The following JUP variants were observed in gnomAD, a reference collection of about 807,000 sequenced individuals.
JUP encodes catenin (cadherin-associated protein), gamma 80kDa.
A neutral mutation model predicts 71.1 loss-of-function variants in JUP; 28 were observed. The observed-to-expected ratio is 0.39, with a 90% CI of 0.29 to 0.54. The LOEUF is 0.54. Among genes scored for constraint, JUP ranks in the 20% least tolerant of loss-of-function variants. The pLI is 0.62. For synonymous variants in JUP, 401 were observed against 438.9 expected (o/e 0.91, Z 1.08); for missense variants, 869 against 1,030.1 (o/e 0.84, Z 2.14).
chr17:41,757,783 A>T lies in JUP; in HGVS notation c.1775T>A (p.Leu592His). ...GATGTTCTCCACCGACGAGTACAGG[A>T]GCTGGGGAGAGGGGACGTGGGAAGC... The part of the protein sequence containing the change: ...RLNTIPLFVQ[L>H]LYSSVENIQR... The change falls in exon 11 of 14, where the codon CTC becomes CAC. Residue 592 changes from leucine (L) to histidine (H), a missense_variant and splice_region_variant. By Grantham distance (99) the Leu-to-His change is moderately conservative. Coordinates refer to ENST00000393931, the MANE Select transcript of JUP (RefSeq NM_002230.4). 6.2e-7 allele frequency: 1 copy of T among 1,606,372 alleles called. No homozygotes were observed. The highest frequency in any genetic ancestry group is 8.5e-7 in the Non-Finnish European group (1 of 1,175,928).
chr17:41,764,980 G>A lies in JUP; in HGVS notation c.997C>T (p.Arg333Cys), dbSNP rs782031185. 7 of 1,614,124 alleles carry A rather than the reference G, an allele frequency of 4.3e-6. No homozygotes were observed. Among genetic ancestry groups the A allele is most frequent in the Non-Finnish European group, 5.9e-6 (7 of 1,180,022 alleles). The change falls in exon 6 of 14, where the codon CGT (arginine) becomes TGT (cysteine). Residue 333 changes from arginine to cysteine, a missense_variant. Physicochemically the swap from Arg to Cys is radical, Grantham distance 180. Coordinates refer to ENST00000393931, the MANE Select transcript of JUP (RefSeq NM_002230.4). ...CACACGGATAGCACCTTGAGCACAC[G>A]ACTGGTGGTCCAGAGCAGCTTTTCA... is the stretch of plus-strand genomic sequence containing the variant. ...SYEKLLWTTS[R>C]VLKVLSVCPS...
chr17:41,759,272 G>A (rs948080545), intron 8 of JUP, among the ~76,000 whole-genome samples: 12 of 151,886 alleles, frequency 7.9e-5, no homozygotes, highest in African/African-American at 2.2e-4. Flanking sequence ...ACGGGGTTTC[G>A]CCATGTTGGG....
intron 1 of JUP, among the ~76,000 whole-genome samples, chr17:41,778,559 C>CAA (rs35336912): frequency 0.52 from 73,847 of 142,176 alleles, 20,013 homozygotes; most frequent in Middle Eastern, 0.67. Flanking sequence ...GACCCCATCT[C>CAA]AAAAAAAAAA....
At chr17:41,774,618 G>A (rs1182993565) in intron 1 of JUP, among the ~76,000 whole-genome samples, 1 of 152,098 alleles carries the variant, frequency 6.6e-6, no homozygotes, top group African/African-American at 2.4e-5. Flanking sequence ...ATAGGCTTGG[G>A]CCACTGTGCC....
intron 5 of JUP, among the ~76,000 whole-genome samples, chr17:41,766,307 GAAAGGAAAAGGA>G (rs149489390): frequency 1.0e-3 from 154 of 148,104 alleles, no homozygotes; most frequent in Middle Eastern, 0.01. Flanking sequence ...GGAAGAGAGG[GAAAGGAAAAGGA>G]AAAGGAAAAG....
At chr17:41,775,746 G>A (rs377736653) in intron 1 of JUP, among the ~76,000 whole-genome samples, 1 of 152,198 alleles carries the variant, frequency 6.6e-6, no homozygotes, top group African/African-American at 2.4e-5. Context: ...CCCAAGGACA[G>A]GAAGAAGGAA....
chr17:41,786,138 C>G (rs533890729), intron 1 of JUP: 1 of 152,320 alleles, frequency 6.6e-6, no homozygotes, highest in South Asian at 2.1e-4. Flanking sequence ...GGAGGGAAAG[C>G]GAGGATGACG....
At chr17:41,763,531 G>A (rs1915230764) in intron 7 of JUP, among the ~76,000 whole-genome samples, 1 of 152,190 alleles carries the variant, frequency 6.6e-6, no homozygotes, top group African/African-American at 2.4e-5. Context: ...AGAGGTTGGG[G>A]AACTTGCCCA....
intron 2 of JUP, among the ~76,000 whole-genome samples, chr17:41,771,192 C>T (rs1597833121): frequency 6.6e-6 from 1 of 152,116 alleles, no homozygotes; most frequent in Admixed American, 6.5e-5. Flanking sequence ...CCACCACACC[C>T]GGCTAATTTT....
At position 41,767,660 on chromosome 17, in the gene JUP, C is replaced by T; in HGVS notation, c.708-80G>A. 3 of 1,194,448 alleles carry T rather than the reference C, an allele frequency of 2.5e-6. 1 individual carries two copies. Among genetic ancestry groups the T allele is most frequent in the South Asian group, 2.6e-5 (2 of 76,434 alleles). The allele number at this position is 1,194,448 out of a possible 1,614,324, so 74.0% of individuals were successfully genotyped here. On this transcript the variant is annotated intron_variant, in intron 4 of 13. Coordinates refer to ENST00000393931, the MANE Select transcript of JUP (RefSeq NM_002230.4). ...GTGAGCCTGGCATGGGTTCCCACCT[C>T]CCCCAGGAAGCCTCCCCGCTACTGA...
In JUP at chr17:41,779,236, CA is replaced by C. The variant is rs782818472; in HGVS notation, c.-9+7351del. 9.6e-3 allele frequency among the ~76,000 whole-genome samples: 1,047 copies of C among 109,214 alleles called. 7 individuals are homozygous for C. The highest frequency in any genetic ancestry group is 0.03 in the African/African-American group (893 of 29,326). 71.6% of individuals were successfully genotyped at this position (109,214 alleles called of 152,430 possible). A position where few individuals can be genotyped will look rare whatever the true frequency, so the allele number is the denominator to read the frequency against. The stretch of plus-strand genomic sequence containing the variant: ...GGGCAACAAGAGCAAAACTCCGTCT[CA>C]AAAAAAAAAAAAGAGGAAGAGACCT... On this transcript the variant is annotated intron_variant, in intron 1 of 13. Transcript: ENST00000393931.
rs782733459 is a variant in JUP, at chr17:41,771,767, C to T, written c.88G>A (p.Ala30Thr). ...CTGACGGAGGGCACGCAGGTGTTGGCGCCCGAGTGGATACCCGAGTCGTAG... is the reference window on the plus strand; with the variant it reads ...CTGACGGAGGGCACGCAGGTGTTGGTGCCCGAGTGGATACCCGAGTCGTAG... ...YTYDSGIHSG[A>T]NTCVPSVSSK... The change falls in exon 2 of 14, where the codon GCC becomes ACC. Residue 30 changes from alanine (A) to threonine (T), a missense_variant. Transcript: ENST00000393931. 17 of 1,614,010 alleles carry T rather than the reference C, an allele frequency of 1.1e-5. No homozygotes were observed. The highest frequency in any genetic ancestry group is 3.3e-5 in the Admixed American group (2 of 60,000).
Position 41,756,258 on chromosome 17 carries a change from A to G in JUP, c.2047-44T>C, listed in dbSNP as rs201918361. The G allele has an allele frequency of 2.4e-4, 381 of 1,592,862 alleles. No individual in the cohort carries two copies. The African/African-American group carries it at 3.4e-3, about 14-fold the overall frequency. On this transcript the variant is annotated intron_variant, in intron 12 of 13. Transcript: ENST00000393931. Reference sequence around the variant, plus strand: ...ACATGGAGGGGAGGTTTGAAAATGCAGGCTCCGAGCTGGATCTCAGCTGGT... The same window carrying G: ...ACATGGAGGGGAGGTTTGAAAATGCGGGCTCCGAGCTGGATCTCAGCTGGT...
At chr17:41,760,518 A>G (rs1567806203) in intron 8 of JUP, among the ~76,000 whole-genome samples, 1 of 150,720 alleles carries the variant, frequency 6.6e-6, no homozygotes, top group Non-Finnish European at 1.5e-5. Context: ...TCGGCCTCCC[A>G]AAGTGCTAGG....
At chr17:41,773,149 G>A (rs1290207733) in intron 1 of JUP, among the ~76,000 whole-genome samples, 2 of 152,210 alleles carry the variant, frequency 1.3e-5, no homozygotes, top group African/African-American at 4.8e-5. Flanking sequence ...CAGTGAGTAA[G>A]CAGAACTCAG....
chr17:41,763,095 A>T lies in JUP; in HGVS notation c.1385T>A (p.Leu462His). 6.2e-7 allele frequency: 1 copy of T among 1,614,088 alleles called. No homozygotes were observed. Among genetic ancestry groups the T allele is most frequent in the Non-Finnish European group, 8.5e-7 (1 of 1,179,952 alleles). Residue 462 changes from leucine (L) to histidine (H), a missense_variant, in exon 8 of 14, where the codon CTC becomes CAC. Coordinates refer to ENST00000393931, the MANE Select transcript of JUP (RefSeq NM_002230.4). ...CTCGGCCTCAGGGTGGCGGCTAGTG[A>T]GGTGGCGCAGAGCGCAGACGGCAGG... ...TEPAVCALRH[L>H]TSRHPEAEMA...
chr17:41,774,659 G>A (rs544257260), intron 1 of JUP, among the ~76,000 whole-genome samples: 8 of 152,248 alleles, frequency 5.3e-5, no homozygotes, highest in African/African-American at 1.9e-4. Flanking sequence ...AGGTGAAGAA[G>A]CTGTGCCTGC....
At chr17:41,756,125 C>T (rs913479376) in intron 13 of JUP, 50 bp downstream of exon 13, 3 of 1,588,164 alleles carry the variant, frequency 1.9e-6, no homozygotes, top group African/African-American at 1.3e-5. Flanking sequence ...CACACACCCA[C>T]ACAGCCGCCC....
Position 41,769,526 on chromosome 17 carries a change from G to T in JUP, c.360C>A (p.Ser120=). ...GCACAATGGCCGACTTGAGCAGCTG[G>T]GACGGCTCGGCCAGTCGCTGCAGGT... ...ATNLQRLAEP[S]QLLKSAIVHL... Residue 120 remains serine (S), a synonymous_variant, in exon 3 of 14, where the codon TCC becomes TCA. Coordinates refer to ENST00000393931, the MANE Select transcript of JUP (RefSeq NM_002230.4). The T allele has an allele frequency of 6.2e-7, 1 of 1,611,668 alleles. No homozygotes were observed.
Sources: allele counts gnomAD v4.1 joint callset (sites outside exome capture counted in the v4.1 genomes callset), GRCh38; gene constraint gnomAD v4.1.1; transcripts MANE v1.5; gene names NCBI Gene and HGNC (gene_info 2026-07-23, HGNC 2026-07-21).